Variants in CNTN5 observed in about 807,000 individuals in gnomAD.
CNTN5 encodes the protein contactin-5.
Under a neutral mutation model 129.1 loss-of-function variants are expected in CNTN5, and 77 were observed. That is an observed-to-expected ratio of 0.60 (90% CI 0.50 to 0.72). The LOEUF is 0.72. Among genes scored for constraint, CNTN5 ranks in the 30% least tolerant of loss-of-function variants. The pLI, the probability that CNTN5 is intolerant of heterozygous loss-of-function variation, is 0.00. For synonymous variants in CNTN5, 509 were observed against 465.6 expected, an observed-to-expected ratio of 1.09 and a Z score of -1.20; for missense variants, 1,478 against 1,328.8, an observed-to-expected ratio of 1.11 and a Z score of -1.75.
intron 13 of CNTN5, among the ~76,000 whole-genome samples, chr11:100,141,269 C>G (rs1946690472): frequency 6.6e-6 from 1 of 151,908 alleles, no homozygotes; most frequent in Non-Finnish European, 1.5e-5. Context: ...TTTCAAGGAG[C>G]AGGGAACAGG....
At chr11:99,696,705 A>G (rs1365197247) in intron 3 of CNTN5, among the ~76,000 whole-genome samples, 1 of 152,068 alleles carries the variant, frequency 6.6e-6, no homozygotes, top group East Asian at 1.9e-4. Flanking sequence ...TATGACAGAA[A>G]GAAAACAGTT....
intron 2 of CNTN5, among the ~76,000 whole-genome samples, chr11:99,367,387 G>A (rs1939518727): frequency 6.6e-6 from 1 of 151,968 alleles, no homozygotes; most frequent in Non-Finnish European, 1.5e-5. Context: ...TGTAATTATA[G>A]CTTTGCCTGG....
At chr11:99,551,951 A>C (rs1408791004) in intron 2 of CNTN5, among the ~76,000 whole-genome samples, 1 of 148,222 alleles carries the variant, frequency 6.7e-6, no homozygotes, top group Non-Finnish European at 1.5e-5. Context: ...TCCATCACCC[A>C]GGCTGGAGTG....
intron 8 of CNTN5, among the ~76,000 whole-genome samples, chr11:99,983,200 C>T (rs548199059): frequency 6.6e-6 from 1 of 152,128 alleles, no homozygotes; most frequent in Admixed American, 6.5e-5. Flanking sequence ...TATAATTATT[C>T]TAAAGATGGA....
intron 3 of CNTN5, among the ~76,000 whole-genome samples, chr11:99,565,723 T>C (rs1948983564): frequency 6.6e-6 from 1 of 152,192 alleles, no homozygotes; most frequent in Non-Finnish European, 1.5e-5. Flanking sequence ...GTATATACGA[T>C]TGTGAACCTG....
At chr11:99,711,875 C>G (rs1213195144) in intron 3 of CNTN5, among the ~76,000 whole-genome samples, 1 of 152,076 alleles carries the variant, frequency 6.6e-6, no homozygotes. Flanking sequence ...TGTATCCAGT[C>G]TATCATTGAT....
intron 1 of CNTN5, among the ~76,000 whole-genome samples, chr11:99,173,621 A>G (rs1199610238): frequency 6.6e-6 from 1 of 152,242 alleles, no homozygotes; most frequent in African/African-American, 2.4e-5. Context: ...TGATCACAGA[A>G]CAATTTTCTG....
intron 21 of CNTN5, among the ~76,000 whole-genome samples, chr11:100,330,514 A>G (rs1050417367): frequency 1.3e-5 from 2 of 152,200 alleles, no homozygotes; most frequent in Non-Finnish European, 2.9e-5. Context: ...ATCATCACCT[A>G]GGCACATAGT....
chr11:99,961,221 A>AC (rs1555167381), intron 8 of CNTN5, among the ~76,000 whole-genome samples: 7 of 150,634 alleles, frequency 4.6e-5, no homozygotes, highest in Admixed American at 2.7e-4. Context: ...AAAAAAAAAA[A>AC]AAAACAGTAG....
At chr11:99,404,275 C>T (rs963203499) in intron 2 of CNTN5, among the ~76,000 whole-genome samples, 3 of 99,478 alleles carry the variant, frequency 3.0e-5, no homozygotes, top group African/African-American at 4.0e-5. Flanking sequence ...TTCTTATAGG[C>T]AACAGATCAA....
At chr11:100,058,347 A>G (rs918772620) in intron 9 of CNTN5, among the ~76,000 whole-genome samples, 1 of 152,108 alleles carries the variant, frequency 6.6e-6, no homozygotes, top group African/African-American at 2.4e-5. Context: ...TACAGAAAAT[A>G]GGAATATTCT....
At chr11:100,244,811 CTGTT>C (rs1381693235) in intron 16 of CNTN5, among the ~76,000 whole-genome samples, 8 of 152,086 alleles carry the variant, frequency 5.3e-5, no homozygotes, top group Admixed American at 4.6e-4. Context: ...ACCTATCTGG[CTGTT>C]TGTTTCGGCT....
At chr11:99,092,192 T>A (rs1023514133) in intron 1 of CNTN5, among the ~76,000 whole-genome samples, 5 of 152,168 alleles carry the variant, frequency 3.3e-5, no homozygotes, top group African/African-American at 9.6e-5. Context: ...GTGCAATTTT[T>A]AAAAGTAGTA....
At chr11:99,601,218 G>A (rs1950301859) in intron 3 of CNTN5, among the ~76,000 whole-genome samples, 1 of 152,122 alleles carries the variant, frequency 6.6e-6, no homozygotes, top group South Asian at 2.1e-4. Flanking sequence ...TACTCAAGAT[G>A]TTGAAAGTGG....
intron 3 of CNTN5, among the ~76,000 whole-genome samples, chr11:99,646,711 T>G (rs12270053): frequency 0.016 from 2,494 of 151,296 alleles, 63 homozygotes; most frequent in African/African-American, 0.057. Context: ...CATTAGTATA[T>G]CTCACTGAAA....
intron 2 of CNTN5, among the ~76,000 whole-genome samples, chr11:99,488,450 C>T (rs574217329): frequency 6.6e-6 from 1 of 152,208 alleles, no homozygotes; most frequent in East Asian, 1.9e-4. Context: ...GGTTTACAGA[C>T]ATTAGCCACC....
chr11:99,161,701 G>A (rs1194888769), intron 1 of CNTN5, among the ~76,000 whole-genome samples: 1 of 152,098 alleles, frequency 6.6e-6, no homozygotes. Context: ...ATTTTCCCCA[G>A]GCTTCTATCA....
At chr11:99,145,236 A>T (rs561863150) in intron 1 of CNTN5, among the ~76,000 whole-genome samples, 14 of 151,968 alleles carry the variant, frequency 9.2e-5, no homozygotes, top group African/African-American at 3.4e-4. Flanking sequence ...TGCCTGGCTA[A>T]TTTTTGTATT....
intron 6 of CNTN5, among the ~76,000 whole-genome samples, chr11:99,857,712 A>G (rs1948082990): frequency 6.6e-6 from 1 of 152,160 alleles, no homozygotes; most frequent in Non-Finnish European, 1.5e-5. Context: ...GATACCCCCG[A>G]AAAATATAGG....
Sources: gnomAD v4.1 joint callset for allele counts (sites outside exome capture counted in the v4.1 genomes callset) on GRCh38, gnomAD v4.1.1 for gene constraint, MANE v1.5 for transcripts, NCBI Gene and HGNC (gene_info 2026-07-23, HGNC 2026-07-21) for gene names.